The following PPP2R2C variants were observed in gnomAD, a reference collection of about 807,000 sequenced individuals.
PPP2R2C encodes protein phosphatase 2 regulatory subunit Bgamma.
In PPP2R2C, 10 loss-of-function variants were observed where a neutral mutation model predicts 45.3. The ratio of observed to expected loss-of-function variants is 0.22; its 90% CI spans 0.14 to 0.37. The LOEUF is 0.37. PPP2R2C is among the 10% of genes least tolerant of loss of function. The pLI is 1.00. For synonymous variants in PPP2R2C, 257 were observed against 245.4 expected, an observed-to-expected ratio of 1.05 and a Z score of -0.44; for missense variants, 308 against 619.7, an observed-to-expected ratio of 0.50 and a Z score of 5.34.
At chr4:6,528,124 G>A (rs1724277097) in intron 2 of PPP2R2C, among the ~76,000 whole-genome samples, 1 of 152,250 alleles carries the variant, frequency 6.6e-6, no homozygotes, top group Admixed American at 6.5e-5. Context: ...TGTGAAACTG[G>A]CCCGTGTTTT....
chr4:6,455,494 C>T (rs1251542441), intron 1 of PPP2R2C, among the ~76,000 whole-genome samples: 1 of 152,174 alleles, frequency 6.6e-6, no homozygotes, highest in Non-Finnish European at 1.5e-5. Context: ...GGAGACCCAG[C>T]CTTCCTCCAG....
chr4:6,484,928 T>C (rs1482889249), intron 2 of PPP2R2C, among the ~76,000 whole-genome samples: 5 of 151,912 alleles, frequency 3.3e-5, no homozygotes, highest in African/African-American at 1.2e-4. Flanking sequence ...TCTTTCTTGC[T>C]TTATTGCACT....
At position 6,372,115 on chromosome 4, in the gene PPP2R2C, C is replaced by T. The variant is rs6812254; in HGVS notation, c.625+408G>A. 8.8e-3 allele frequency among the ~76,000 whole-genome samples: 1,345 copies of T among 152,336 alleles called. 16 individuals are homozygous for T. The highest frequency in any genetic ancestry group is 0.031 in the African/African-American group (1,293 of 41,586). ...CCCTGGCCGGGGCCCCAGTGCTGGTCCTCCTATGCTAACACAGCCTGCCTT... is the reference window on the plus strand; with the variant it reads ...CCCTGGCCGGGGCCCCAGTGCTGGTTCTCCTATGCTAACACAGCCTGCCTT... On this transcript the variant is annotated intron_variant, in intron 5 of 8. Transcript: ENST00000382599.
chr4:6,524,113 G>A (rs1390059705), intron 2 of PPP2R2C, among the ~76,000 whole-genome samples: 1 of 151,908 alleles, frequency 6.6e-6, no homozygotes, highest in Non-Finnish European at 1.5e-5. Context: ...GTAGAGACAG[G>A]GTTTCACCAT....
At chr4:6,369,402 G>A (rs1166149847) in intron 5 of PPP2R2C, among the ~76,000 whole-genome samples, 1 of 152,206 alleles carries the variant, frequency 6.6e-6, no homozygotes, top group African/African-American at 2.4e-5. Context: ...TATGGTATGT[G>A]ATACTTTAAC....
intron 8 of PPP2R2C, among the ~76,000 whole-genome samples, chr4:6,327,028 G>T (rs1019332053): frequency 1.3e-5 from 2 of 152,210 alleles, no homozygotes; most frequent in East Asian, 1.9e-4. Flanking sequence ...AGGACCCAGG[G>T]TCTGTTTATC....
intron 1 of PPP2R2C, among the ~76,000 whole-genome samples, chr4:6,413,686 C>T (rs1718354185): frequency 6.6e-6 from 1 of 152,186 alleles, no homozygotes; most frequent in South Asian, 2.1e-4. Flanking sequence ...GGGGAAAGCC[C>T]ACATATCCCC....
chr4:6,526,737 A>T (rs1724220794), intron 2 of PPP2R2C, among the ~76,000 whole-genome samples: 1 of 152,170 alleles, frequency 6.6e-6, no homozygotes, highest in Non-Finnish European at 1.5e-5. Flanking sequence ...AGGAAGAAAG[A>T]GGTAGAGGGG....
intron 2 of PPP2R2C, among the ~76,000 whole-genome samples, chr4:6,512,202 G>T (rs1479512512): frequency 9.6e-6 from 1 of 103,638 alleles, no homozygotes; most frequent in Non-Finnish European, 2.1e-5. Flanking sequence ...TGGTGGTGAT[G>T]GTGGTGGTGA....
At chr4:6,338,513 G>A (rs555053763) in intron 6 of PPP2R2C, among the ~76,000 whole-genome samples, 50 of 152,270 alleles carry the variant, frequency 3.3e-4, no homozygotes, top group African/African-American at 1.2e-3. Context: ...CCTGAGAGCA[G>A]GTGCCCACCT....
At chr4:6,410,727 C>T (rs963036643) in intron 1 of PPP2R2C, among the ~76,000 whole-genome samples, 1 of 152,078 alleles carries the variant, frequency 6.6e-6, no homozygotes, top group African/African-American at 2.4e-5. Flanking sequence ...CCCCAGTGAG[C>T]CTGGCCAGGT....
intron 2 of PPP2R2C, among the ~76,000 whole-genome samples, chr4:6,526,965 A>G (rs908546130): frequency 6.6e-6 from 1 of 152,068 alleles, no homozygotes; most frequent in Non-Finnish European, 1.5e-5. Flanking sequence ...CGAGTTCCCC[A>G]GCTGCTCACT....
At chr4:6,355,813 A>C in intron 5 of PPP2R2C, among the ~76,000 whole-genome samples, 1 of 145,888 alleles carries the variant, frequency 6.9e-6, no homozygotes, top group Non-Finnish European at 1.5e-5. Context: ...CAACATGATG[A>C]AACCCTGACT....
At chr4:6,404,879 G>A (rs1486158687) in intron 1 of PPP2R2C, among the ~76,000 whole-genome samples, 1 of 152,240 alleles carries the variant, frequency 6.6e-6, no homozygotes, top group African/African-American at 2.4e-5. Context: ...AGGGCCAACT[G>A]CGGTCAGGTC....
chr4:6,549,542 C>T (rs1725110930), intron 1 of PPP2R2C, among the ~76,000 whole-genome samples: 1 of 152,200 alleles, frequency 6.6e-6, no homozygotes, highest in African/African-American at 2.4e-5. Flanking sequence ...CTGGGCACGA[C>T]CCTCCACTTC....
intron 1 of PPP2R2C, among the ~76,000 whole-genome samples, chr4:6,470,518 GCAAA>G (rs1721813658): frequency 1.3e-5 from 2 of 152,336 alleles, no homozygotes; most frequent in South Asian, 2.1e-4. Flanking sequence ...GTAGAGATGA[GCAAA>G]CAGAGGCTTG....
chr4:6,460,654 A>G (rs1254318016), intron 1 of PPP2R2C, among the ~76,000 whole-genome samples: 1 of 152,228 alleles, frequency 6.6e-6, no homozygotes, highest in Admixed American at 6.5e-5. Context: ...ATATATACCT[A>G]GATAGTATGT....
At chr4:6,440,108 A>C (rs1248566919) in intron 1 of PPP2R2C, among the ~76,000 whole-genome samples, 2 of 152,140 alleles carry the variant, frequency 1.3e-5, no homozygotes, top group Non-Finnish European at 2.9e-5. Context: ...TGTCAAAATG[A>C]CATTATGGTT....
intron 2 of PPP2R2C, among the ~76,000 whole-genome samples, chr4:6,492,614 G>A (rs1722731639): frequency 6.6e-6 from 1 of 152,216 alleles, no homozygotes; most frequent in African/African-American, 2.4e-5. Flanking sequence ...GGAGCCCTCT[G>A]TATAATTCTC....
Sources: allele counts gnomAD v4.1 joint callset (sites outside exome capture counted in the v4.1 genomes callset), GRCh38; gene constraint gnomAD v4.1.1; transcripts MANE v1.5; gene names NCBI Gene and HGNC (gene_info 2026-07-23, HGNC 2026-07-21).